The following DNM3 variants were observed in gnomAD, a reference collection of about 807,000 sequenced individuals.
The protein encoded by DNM3 is dynamin-3.
A neutral mutation model predicts 101.6 loss-of-function variants in DNM3; 47 were observed. That is an observed-to-expected ratio of 0.46 (90% CI 0.37 to 0.59). The LOEUF (loss-of-function observed/expected upper bound fraction) is 0.59, where lower values mean the gene tolerates loss of function less well. DNM3 is among the 20% of genes least tolerant of loss of function. DNM3 has a pLI of 0.00. For missense variants in DNM3, 849 were observed against 1,085.7 expected, an observed-to-expected ratio of 0.78 and a Z score of 3.06; for synonymous variants, 385 against 387.9, an observed-to-expected ratio of 0.99 and a Z score of 0.09.
intron 1 of DNM3, among the ~76,000 whole-genome samples, chr1:171,866,493 G>C (rs923607695): frequency 1.3e-3 from 197 of 151,952 alleles, no homozygotes; most frequent in African/African-American, 4.4e-3. Flanking sequence ...AATCTGTACT[G>C]AGTGTTTGCT....
At chr1:172,229,106 C>T (rs74124005) in intron 14 of DNM3, among the ~76,000 whole-genome samples, 67 of 152,234 alleles carry the variant, frequency 4.4e-4, no homozygotes, top group African/African-American at 1.5e-3. Flanking sequence ...GTTAGGCTTT[C>T]ATTATTTTTC....
rs931857659 is a variant in DNM3 at position 172,221,655 on chromosome 1, TG to T, written c.1660-31917del. 3.2e-4 allele frequency among the ~76,000 whole-genome samples: 49 copies of T among 152,256 alleles called. 1 individual carries two copies. The highest frequency in any genetic ancestry group is 1.1e-3 in the African/African-American group (45 of 41,576). ...CAGATATCCACATTGCTTATTCCCTTGCCTCCTTTAGGGCTTCACTGTGTGG... is the reference window on the plus strand; with the variant it reads ...CAGATATCCACATTGCTTATTCCCTTCCTCCTTTAGGGCTTCACTGTGTGG... On this transcript the variant is annotated intron_variant, in intron 14 of 20. Transcript: ENST00000627582.
intron 1 of DNM3, among the ~76,000 whole-genome samples, chr1:171,882,672 A>G (rs1256768043): frequency 1.3e-5 from 2 of 152,046 alleles, no homozygotes; most frequent in Admixed American, 6.5e-5. Context: ...TTTAGTTGTC[A>G]TGTCTTTTAA....
At chr1:172,296,835 T>C (rs1189921928) in intron 15 of DNM3, among the ~76,000 whole-genome samples, 1 of 152,224 alleles carries the variant, frequency 6.6e-6, no homozygotes, top group Non-Finnish European at 1.5e-5. Context: ...TTGCAGTTAA[T>C]GTTAGCCTTT....
chr1:172,258,925 A>T (rs991034286), intron 15 of DNM3, among the ~76,000 whole-genome samples: 1 of 150,926 alleles, frequency 6.6e-6, no homozygotes, highest in Non-Finnish European at 1.5e-5. Context: ...ACTTTATTTC[A>T]TAGGTTTTGG....
chr1:172,241,677 A>G (rs1012994926), intron 14 of DNM3, among the ~76,000 whole-genome samples: 21 of 152,028 alleles, frequency 1.4e-4, no homozygotes, highest in African/African-American at 5.1e-4. Context: ...GTCTCCACCA[A>G]TCTGGAGGCT....
At chr1:172,300,043 C>T (rs1008984517) in intron 15 of DNM3, among the ~76,000 whole-genome samples, 7 of 152,164 alleles carry the variant, frequency 4.6e-5, no homozygotes, top group Non-Finnish European at 8.8e-5. Context: ...GCCTCACCAA[C>T]ATCTGTTATT....
At position 172,166,971 on chromosome 1, in the gene DNM3, C is replaced by T. The variant is rs140224561; in HGVS notation, c.1659+35683C>T. On this transcript the variant is annotated intron_variant, in intron 14 of 20. Transcript: ENST00000627582. Reference sequence around the variant, plus strand: ...TTCTAGGATACATGTGCACAACATGCAGGTTTGTTACATATGTATACATGT... The same window carrying T: ...TTCTAGGATACATGTGCACAACATGTAGGTTTGTTACATATGTATACATGT... 1.2e-3 allele frequency among the ~76,000 whole-genome samples: 177 copies of T among 151,516 alleles called. 1 individual carries two copies. The East Asian group carries it at 0.029, about 25-fold the overall frequency.
At chr1:172,283,430 C>A (rs549872445) in intron 15 of DNM3, among the ~76,000 whole-genome samples, 1 of 152,064 alleles carries the variant, frequency 6.6e-6, no homozygotes, top group Non-Finnish European at 1.5e-5. Context: ...TTTCCTGAAG[C>A]CTTTTCAGTC....
chr1:171,919,359 A>G (rs2039975559), intron 1 of DNM3, among the ~76,000 whole-genome samples: 1 of 151,830 alleles, frequency 6.6e-6, no homozygotes, highest in Admixed American at 6.6e-5. Flanking sequence ...CCCTGTGTTC[A>G]TGTGTTCTCA....
chr1:172,227,522 G>A (rs992899314), intron 14 of DNM3, among the ~76,000 whole-genome samples: 18 of 151,828 alleles, frequency 1.2e-4, no homozygotes, highest in African/African-American at 4.4e-4. Flanking sequence ...TTCCATAGAG[G>A]CTGTACTAAT....
chr1:172,185,201 G>T (rs182754946), intron 14 of DNM3, among the ~76,000 whole-genome samples: 46 of 152,100 alleles, frequency 3.0e-4, no homozygotes, highest in African/African-American at 1.1e-3. Flanking sequence ...TATTTGCATC[G>T]GCAGTGAGAT....
At chr1:172,257,406 T>C (rs2062450512) in intron 15 of DNM3, among the ~76,000 whole-genome samples, 1 of 152,176 alleles carries the variant, frequency 6.6e-6, no homozygotes, top group Non-Finnish European at 1.5e-5. Context: ...TGCCAATTTT[T>C]GCTTGAGGCC....
At chr1:172,054,725 G>A (rs562392413) in intron 10 of DNM3, among the ~76,000 whole-genome samples, 24 of 152,262 alleles carry the variant, frequency 1.6e-4, no homozygotes, top group African/African-American at 5.1e-4. Context: ...TTGGGAGGCC[G>A]AGGCGGATGG....
intron 13 of DNM3, among the ~76,000 whole-genome samples, chr1:172,093,211 T>C (rs2054029174): frequency 6.6e-6 from 1 of 152,194 alleles, no homozygotes; most frequent in Admixed American, 6.5e-5. Flanking sequence ...GGTTAAAATG[T>C]GGTGAGTAGT....
intron 13 of DNM3, among the ~76,000 whole-genome samples, chr1:172,120,538 G>A (rs1430047765): frequency 6.6e-6 from 1 of 152,120 alleles, no homozygotes. Flanking sequence ...TAAATTACAT[G>A]ACTAAGTGTT....
chr1:171,903,813 A>G (rs1292978974), intron 1 of DNM3, among the ~76,000 whole-genome samples: 1 of 152,214 alleles, frequency 6.6e-6, no homozygotes, highest in Non-Finnish European at 1.5e-5. Flanking sequence ...TGGAAATTTT[A>G]CATAGACCTT....
chr1:172,140,929 T>C (rs962775077), intron 14 of DNM3, among the ~76,000 whole-genome samples: 1 of 152,042 alleles, frequency 6.6e-6, no homozygotes, highest in African/African-American at 2.4e-5. Flanking sequence ...GGTTGAATAT[T>C]AGTTTATTAT....
chr1:171,981,930 A>G (rs1188470245), intron 2 of DNM3, among the ~76,000 whole-genome samples: 1 of 152,156 alleles, frequency 6.6e-6, no homozygotes, highest in Non-Finnish European at 1.5e-5. Context: ...CATCCTTTGT[A>G]TGACTTTGTG....
Sources: gnomAD v4.1 joint callset for allele counts (sites outside exome capture counted in the v4.1 genomes callset) on GRCh38, gnomAD v4.1.1 for gene constraint, MANE v1.5 for transcripts, NCBI Gene and HGNC (gene_info 2026-07-23, HGNC 2026-07-21) for gene names.